Variants in CSMD3 observed in about 807,000 individuals in gnomAD.
CSMD3 encodes CUB and sushi domain-containing protein 3.
Under a neutral mutation model 435.2 loss-of-function variants are expected in CSMD3, and 177 were observed. The ratio of observed to expected loss-of-function variants is 0.41; its 90% CI spans 0.36 to 0.46. The LOEUF (loss-of-function observed/expected upper bound fraction) is 0.46, where lower values mean the gene tolerates loss of function less well. Among genes scored for constraint, CSMD3 ranks in the 20% least tolerant of loss-of-function variants. CSMD3 has a pLI of 0.34. For synonymous variants in CSMD3, 1,656 were observed against 1,520.5 expected (o/e 1.09, Z -2.07); for missense variants, 4,265 against 4,504.6 (o/e 0.95, Z 1.52).
Position 113,173,776 on chromosome 8 carries a change from T to C in CSMD3, c.655A>G (p.Ile219Val), listed in dbSNP as rs2092306266. The C allele has an allele frequency of 2.5e-6, 4 of 1,613,630 alleles. No individual in the cohort carries two copies. The East Asian group carries it at 6.7e-5, about 27-fold the overall frequency. The change falls in exon 4 of 71, where the codon ATA becomes GTA. Residue 219 changes from isoleucine to valine, a missense_variant. This residue lies in a region of CSMD3 where 731 missense variants were observed against 755.4 expected (regional missense o/e 0.97). Coordinates refer to ENST00000297405, the MANE Select transcript of CSMD3 (RefSeq NM_198123.2). Reference sequence around the variant, plus strand: ...GAAGCTGTATTAACTGAATTGGCTATGCAGGTGAGCTGAGGGTGGCCATCA... The same window carrying C: ...GAAGCTGTATTAACTGAATTGGCTACGCAGGTGAGCTGAGGGTGGCCATCA... Reference protein sequence around the residue: ...ILDGHPQLTCIANSVNTASWD... With the variant: ...ILDGHPQLTCVANSVNTASWD...
At chr8:113,298,917 A>G (rs1588465748) in intron 2 of CSMD3, among the ~76,000 whole-genome samples, 1 of 152,304 alleles carries the variant, frequency 6.6e-6, no homozygotes, top group Non-Finnish European at 1.5e-5. Context: ...TGGATTGTTC[A>G]TATTTGTTGA....
intron 1 of CSMD3, among the ~76,000 whole-genome samples, chr8:113,322,778 G>A (rs910701692): frequency 2.6e-5 from 4 of 151,722 alleles, no homozygotes; most frequent in South Asian, 2.1e-4. Flanking sequence ...ATAGAGTCTC[G>A]CTTTGTGCCC....
At chr8:112,723,836 C>T (rs2076910930) in intron 13 of CSMD3, among the ~76,000 whole-genome samples, 1 of 152,014 alleles carries the variant, frequency 6.6e-6, no homozygotes, top group Non-Finnish European at 1.5e-5. Flanking sequence ...ATCAACACAG[C>T]ACACAGCATG....
rs577552973 is a variant in CSMD3 at position 112,318,819 on chromosome 8, A to G, written c.7360+18T>C. 1 of 1,500,584 alleles carries G rather than the reference A, an allele frequency of 6.7e-7. No individual in the cohort carries two copies. Among genetic ancestry groups the G allele is most frequent in the East Asian group, 2.3e-5 (1 of 44,198 alleles). 93.0% of individuals were successfully genotyped at this position (1,500,584 alleles called of 1,614,324 possible). ...GCAAATATTTAAGAAATAAATAATCATAGGAACCATTGAATACCTTGACAA... is the reference window on the plus strand; with the variant it reads ...GCAAATATTTAAGAAATAAATAATCGTAGGAACCATTGAATACCTTGACAA... On this transcript the variant is annotated intron_variant, in intron 47 of 70. Transcript: ENST00000297405.
intron 17 of CSMD3, among the ~76,000 whole-genome samples, chr8:112,662,438 A>G (rs2075407489): frequency 6.6e-6 from 1 of 152,124 alleles, no homozygotes; most frequent in African/African-American, 2.4e-5. Flanking sequence ...TTCCCTATTT[A>G]ATAAATGGTG....
At chr8:112,405,242 TATATAC>T (rs1464377208) in intron 35 of CSMD3, among the ~76,000 whole-genome samples, 3 of 95,052 alleles carry the variant, frequency 3.2e-5, no homozygotes, top group Admixed American at 1.1e-4. Context: ...TATATATATA[TATATAC>T]ATATATATAT....
rs140543199 is a variant in CSMD3 at position 112,600,020 on chromosome 8, T to TAA, written c.3716-12786_3716-12785insTT. On this transcript the variant is annotated intron_variant, in intron 22 of 70. Coordinates refer to ENST00000297405, the MANE Select transcript of CSMD3 (RefSeq NM_198123.2). Reference sequence around the variant, plus strand: ...TGTACCCTAAAACTTAAAGTATATATATAAAAAAAAGGAATAGTACAGAGG... The same window carrying TAA: ...TGTACCCTAAAACTTAAAGTATATATAAATAAAAAAAAGGAATAGTACAGAGG... Among the ~76,000 whole-genome samples, 283 of 150,166 alleles carry TAA rather than the reference T, an allele frequency of 1.9e-3. 1 individual carries two copies. The highest frequency in any genetic ancestry group is 0.014 in the Middle Eastern group (4 of 292).
intron 7 of CSMD3, among the ~76,000 whole-genome samples, chr8:112,973,730 A>C (rs2084745040): frequency 6.6e-6 from 1 of 151,832 alleles, no homozygotes. Flanking sequence ...TACTCTTAAC[A>C]TTGATGAATA....
intron 64 of CSMD3, among the ~76,000 whole-genome samples, chr8:112,246,312 T>G (rs1456185884): frequency 6.6e-6 from 1 of 152,196 alleles, no homozygotes; most frequent in Non-Finnish European, 1.5e-5. Flanking sequence ...GATACCATCC[T>G]AATAAGTGTT....
At chr8:112,228,408 T>C (rs546338643) in intron 70 of CSMD3, among the ~76,000 whole-genome samples, 1 of 152,302 alleles carries the variant, frequency 6.6e-6, no homozygotes, top group South Asian at 2.1e-4. Context: ...GCAGCAGATA[T>C]TACCTCTCCA....
chr8:113,097,661 T>C (rs895328640), intron 5 of CSMD3, among the ~76,000 whole-genome samples: 4 of 152,064 alleles, frequency 2.6e-5, no homozygotes, highest in African/African-American at 7.2e-5. Flanking sequence ...TATAGTTGTC[T>C]AGTAGATGGC....
At chr8:112,737,574 G>A (rs1456980898) in intron 13 of CSMD3, among the ~76,000 whole-genome samples, 1 of 151,874 alleles carries the variant, frequency 6.6e-6, no homozygotes, top group East Asian at 1.9e-4. Flanking sequence ...TCCAGTTTAT[G>A]CCCATTGTGT....
chr8:112,691,476 T>C (rs1204403668), intron 13 of CSMD3, among the ~76,000 whole-genome samples: 1 of 152,108 alleles, frequency 6.6e-6, no homozygotes, highest in Non-Finnish European at 1.5e-5. Flanking sequence ...TCAAAGGTTA[T>C]TTTCCTATTT....
intron 1 of CSMD3, among the ~76,000 whole-genome samples, chr8:113,413,855 T>C (rs1563798244): frequency 6.6e-6 from 1 of 152,204 alleles, no homozygotes; most frequent in Non-Finnish European, 1.5e-5. Flanking sequence ...ATTTACCTTC[T>C]TGTATGAATA....
rs182795835 is a variant in CSMD3 at position 112,912,678 on chromosome 8, C to T, written c.1633+8949G>A. Among the ~76,000 whole-genome samples the T allele has an allele frequency of 5.3e-5, 8 of 151,982 alleles. No homozygotes were observed. The East Asian group carries it at 9.8e-4, about 19-fold the overall frequency. On this transcript the variant is annotated intron_variant, in intron 10 of 70. Transcript: ENST00000297405. Reference sequence around the variant, plus strand: ...GGCAGCGATTTCCTGTATATGACCCCAAAAGCATAGGCAACAAAAGCAAAA... The same window carrying T: ...GGCAGCGATTTCCTGTATATGACCCTAAAAGCATAGGCAACAAAAGCAAAA...
At chr8:112,430,627 C>T (rs1813560637) in intron 32 of CSMD3, among the ~76,000 whole-genome samples, 1 of 151,704 alleles carries the variant, frequency 6.6e-6, no homozygotes, top group Non-Finnish European at 1.5e-5. Flanking sequence ...CACTTATGAA[C>T]TAGAAGGTAA....
chr8:112,426,508 G>C (rs1424136361), intron 32 of CSMD3, among the ~76,000 whole-genome samples: 3 of 152,020 alleles, frequency 2.0e-5, no homozygotes, highest in Admixed American at 6.6e-5. Context: ...ACCCCCAAGA[G>C]CATCTCCTAA....
rs188720617 is a variant in CSMD3 at position 113,045,934 on chromosome 8, T to C, written c.918-26755A>G. Among the ~76,000 whole-genome samples the C allele has an allele frequency of 9.2e-4, 138 of 149,720 alleles. 13 individuals carry two copies. Among genetic ancestry groups the C allele is most frequent in the South Asian group, 2.1e-3 (10 of 4,738 alleles). On this transcript the variant is annotated intron_variant, in intron 5 of 70. Transcript: ENST00000297405. ...ATATTTTTTTCACAGAATTTTCTTTTAGACCAAAATATCTGGGAAATTTGT... is the reference window on the plus strand; with the variant it reads ...ATATTTTTTTCACAGAATTTTCTTTCAGACCAAAATATCTGGGAAATTTGT...
chr8:112,266,101 G>A (rs1816919563), intron 59 of CSMD3, among the ~76,000 whole-genome samples: 1 of 152,028 alleles, frequency 6.6e-6, no homozygotes, highest in South Asian at 2.1e-4. Flanking sequence ...AGATGTATGA[G>A]GGGCCATCCC....
Sources: allele counts gnomAD v4.1 joint callset (sites outside exome capture counted in the v4.1 genomes callset), GRCh38; gene constraint gnomAD v4.1.1; regional missense constraint gnomAD v4.1.1; transcripts MANE v1.5; gene names NCBI Gene and HGNC (gene_info 2026-07-23, HGNC 2026-07-21).